Variants in DNAI2 observed in about 807,000 individuals in gnomAD.
The protein encoded by DNAI2 is dynein axonemal intermediate chain 2, also known as dynein, axonemal, intermediate polypeptide 2.
In DNAI2, 63 loss-of-function variants were observed where a neutral mutation model predicts 74.7. The observed-to-expected ratio is 0.84, with a 90% CI of 0.69 to 1.04. The LOEUF (loss-of-function observed/expected upper bound fraction) is 1.04, where lower values mean the gene tolerates loss of function less well. Among genes scored for constraint, DNAI2 ranks in the 50% least tolerant of loss-of-function variants. DNAI2 has a pLI of 0.00. For synonymous variants in DNAI2, 289 were observed against 314.9 expected (o/e 0.92, Z 0.87); for missense variants, 688 against 803.2 (o/e 0.86, Z 1.73).
chr17:74,300,926 G>T lies in DNAI2; in HGVS notation c.865-120G>T. The T allele has an allele frequency of 1.4e-6, 2 of 1,395,342 alleles. No individual in the cohort carries two copies. Among genetic ancestry groups the T allele is most frequent in the Non-Finnish European group, 2.0e-6 (2 of 997,080 alleles). 86.4% of individuals were successfully genotyped at this position (1,395,342 alleles called of 1,614,324 possible). ...GTGTATTTGCTCCCACGAATTGCCG[G>T]GAGCTCCATCCTTTGTGGCCCAGTG... On this transcript the variant is annotated intron_variant, in intron 7 of 13. Coordinates refer to ENST00000311014, the MANE Select transcript of DNAI2 (RefSeq NM_023036.6). The surrounding 1 kb of genome is among the most constrained non-coding windows in gnomAD (Gnocchi z 4.5).
intron 9 of DNAI2, chr17:74,307,199 C>G: frequency 4.4e-6 from 2 of 455,498 alleles, no homozygotes; most frequent in South Asian, 3.1e-5. Context: ...TTCCCAATGT[C>G]TTCAGGTCCT....
At chr17:74,310,969 G>A (rs2053490308) in intron 11 of DNAI2, among the ~76,000 whole-genome samples, 1 of 152,018 alleles carries the variant, frequency 6.6e-6, no homozygotes, top group African/African-American at 2.4e-5. Context: ...CTACCTCCCA[G>A]GCTGAATCGG....
Position 74,314,264 on chromosome 17 carries a change from A to G in DNAI2, c.*48A>G. 1 of 1,611,814 alleles carries G rather than the reference A, an allele frequency of 6.2e-7. No individual in the cohort carries two copies. The highest frequency in any genetic ancestry group is 8.5e-7 in the Non-Finnish European group (1 of 1,178,602). ...CTATCCCTGTGTGCCTTCCTTTCCCACCTCTTGGTATTGCCCCGCTCTCAC... is the reference window on the plus strand; with the variant it reads ...CTATCCCTGTGTGCCTTCCTTTCCCGCCTCTTGGTATTGCCCCGCTCTCAC... On this transcript the variant is annotated 3_prime_UTR_variant, in exon 13 of 14. Coordinates refer to ENST00000311014, the MANE Select transcript of DNAI2 (RefSeq NM_023036.6).
At chr17:74,303,636 A>C (rs2052991741) in intron 8 of DNAI2, among the ~76,000 whole-genome samples, 1 of 139,616 alleles carries the variant, frequency 7.2e-6, no homozygotes, top group African/African-American at 2.7e-5. Flanking sequence ...ACTCTTGCCC[A>C]GGCTGGAGTG....
chr17:74,311,977 G>A, intron 11 of DNAI2, 26 bp from the exon 12 acceptor site: 1 of 1,609,654 alleles, frequency 6.2e-7, no homozygotes, highest in Non-Finnish European at 8.5e-7. Flanking sequence ...CTCCCCACCG[G>A]GCTCTCTCTG....
chr17:74,308,792 G>A (rs1367980054), intron 9 of DNAI2, among the ~76,000 whole-genome samples: 1 of 151,958 alleles, frequency 6.6e-6, no homozygotes, highest in Non-Finnish European at 1.5e-5. Context: ...AAAGTGCTGG[G>A]ATTACAGGCA....
chr17:74,285,007 G>GGAGAGGGC, intron 2 of DNAI2, 33 bp from the exon 3 acceptor site: 1 of 1,613,828 alleles, frequency 6.2e-7, no homozygotes, highest in Non-Finnish European at 8.5e-7. Context: ...GTATACCAGG[G>GGAGAGGGC]TGACGTCTTC....
At chr17:74,298,745 C>T (rs2052590676) in intron 6 of DNAI2, among the ~76,000 whole-genome samples, 4 of 151,876 alleles carry the variant, frequency 2.6e-5, no homozygotes, top group Admixed American at 2.6e-4. Context: ...AGGCAGCCTC[C>T]CGAGTAACAG....
chr17:74,314,285 C>CG lies in DNAI2; in HGVS notation c.*55+14_*55+15insG. The CG allele has an allele frequency of 6.2e-7, 1 of 1,608,604 alleles. No individual in the cohort carries two copies. The highest frequency in any genetic ancestry group is 1.1e-5 in the South Asian group (1 of 90,678). ...TCCCACCTCTTGGTATTGCCCCGCT[C>CG]TCACAAGTGGGAGGCTGAGCTCCGC... On this transcript the variant is annotated intron_variant, in intron 13 of 13. Transcript: ENST00000311014.
intron 6 of DNAI2, among the ~76,000 whole-genome samples, chr17:74,294,849 C>G (rs1170117225): frequency 6.6e-6 from 1 of 151,978 alleles, no homozygotes; most frequent in Non-Finnish European, 1.5e-5. Flanking sequence ...TACCCTTTCT[C>G]TCTCTCCTCT....
intron 8 of DNAI2, among the ~76,000 whole-genome samples, chr17:74,304,190 T>TC (rs1310596997): frequency 1.4e-4 from 16 of 112,248 alleles, no homozygotes; most frequent in Admixed American, 6.5e-4. Flanking sequence ...TTTTTTCTTT[T>TC]TTTTTTTTTT....
intron 2 of DNAI2, among the ~76,000 whole-genome samples, chr17:74,284,756 G>T (rs370123370): frequency 2.0e-5 from 3 of 152,170 alleles, no homozygotes; most frequent in East Asian, 3.9e-4. Flanking sequence ...AGATGGACAG[G>T]CTTCTCTGGT....
At chr17:74,298,962 T>G (rs1162245964) in intron 6 of DNAI2, among the ~76,000 whole-genome samples, 2 of 152,176 alleles carry the variant, frequency 1.3e-5, no homozygotes, top group Admixed American at 1.3e-4. Context: ...CTGGGCCAGC[T>G]GAGTTCAGGG....
intron 11 of DNAI2, among the ~76,000 whole-genome samples, chr17:74,310,732 T>G (rs1180571970): frequency 6.6e-6 from 1 of 151,756 alleles, no homozygotes; most frequent in Non-Finnish European, 1.5e-5. Context: ...AGAGACAGGA[T>G]CTCACCATAC....
intron 1 of DNAI2, among the ~76,000 whole-genome samples, chr17:74,277,661 G>A (rs1441310092): frequency 6.6e-6 from 1 of 152,222 alleles, no homozygotes; most frequent in Non-Finnish European, 1.5e-5. Context: ...GGACCCACTG[G>A]TCTGGTGCCT....
rs2144030618 is a variant in DNAI2 at position 74,300,354 on chromosome 17, C to T, written c.864+497C>T. Among the ~76,000 whole-genome samples the T allele has an allele frequency of 6.6e-6, 1 of 152,256 alleles. No homozygotes were observed. Among genetic ancestry groups the T allele is most frequent in the African/African-American group, 2.4e-5 (1 of 41,554 alleles). ...CTCTCACCTCTGCCTGCACCTCCTCCCCTCCCTCCCTCTCTTATGTCTGCC... is the reference window on the plus strand; with the variant it reads ...CTCTCACCTCTGCCTGCACCTCCTCTCCTCCCTCCCTCTCTTATGTCTGCC... On this transcript the variant is annotated intron_variant, in intron 7 of 13. Transcript: ENST00000311014. This position sits in a 1 kb window ranked among gnomAD's most constrained non-coding sequence, Gnocchi z 4.5.
chr17:74,294,251 T>C (rs1436910722), intron 6 of DNAI2, among the ~76,000 whole-genome samples: 1 of 152,120 alleles, frequency 6.6e-6, no homozygotes, highest in Non-Finnish European at 1.5e-5. Context: ...CTGCCTTCTT[T>C]TGTGCCACGT....
At position 74,300,971 on chromosome 17, in the gene DNAI2, G is replaced by T; in HGVS notation, c.865-75G>T. Reference sequence around the variant, plus strand: ...CCAGTGGCTGACCCCAGGACGGTGGGGTGAGGGCGGAGAAGGCAAAAGCCA... The same window carrying T: ...CCAGTGGCTGACCCCAGGACGGTGGTGTGAGGGCGGAGAAGGCAAAAGCCA... On this transcript the variant is annotated intron_variant, in intron 7 of 13. Coordinates refer to ENST00000311014, the MANE Select transcript of DNAI2 (RefSeq NM_023036.6). This position sits in a 1 kb window ranked among gnomAD's most constrained non-coding sequence, Gnocchi z 4.5. 1 of 1,598,728 alleles carries T rather than the reference G, an allele frequency of 6.3e-7. No individual in the cohort carries two copies.
chr17:74,275,035 G>A (rs371869933), intron 1 of DNAI2, among the ~76,000 whole-genome samples: 5 of 152,164 alleles, frequency 3.3e-5, no homozygotes, highest in South Asian at 2.1e-4. Flanking sequence ...TGTTTGTCAC[G>A]GTCAGCAGAG....
Sources: allele counts gnomAD v4.1 joint callset (sites outside exome capture counted in the v4.1 genomes callset), GRCh38; gene constraint gnomAD v4.1.1; non-coding constraint Gnocchi (gnomAD v3.1); transcripts MANE v1.5; gene names NCBI Gene and HGNC (gene_info 2026-07-23, HGNC 2026-07-21).